The following NOX3 variants were observed in gnomAD, a reference collection of about 807,000 sequenced individuals.
NOX3 encodes the protein NADPH oxidase catalytic subunit-like 3.
A neutral mutation model predicts 76.7 loss-of-function variants in NOX3; 74 were observed. That is an observed-to-expected ratio of 0.96 (90% confidence interval 0.80 to 1.17). NOX3 has a LOEUF of 1.17. Among genes scored for constraint, NOX3 ranks in the 50% most tolerant of loss-of-function variants. NOX3 has a pLI of 0.00. For synonymous variants in NOX3, 263 were observed against 261.1 expected (o/e 1.01, Z -0.07); for missense variants, 695 against 703.3 (o/e 0.99, Z 0.13).
intron 9 of NOX3, among the ~76,000 whole-genome samples, chr6:155,426,222 G>A (rs1183553421): frequency 1.3e-5 from 2 of 152,150 alleles, no homozygotes. Context: ...GTGAATGGAG[G>A]GAAGCAGCTC....
intron 6 of NOX3, among the ~76,000 whole-genome samples, chr6:155,438,337 C>T (rs933143997): frequency 2.6e-5 from 4 of 152,184 alleles, no homozygotes; most frequent in Non-Finnish European, 2.9e-5. Flanking sequence ...TCAGAAGAGC[C>T]AATCCCAGAG....
chr6:155,441,193 C>T (rs977975128), intron 5 of NOX3, among the ~76,000 whole-genome samples: 3 of 152,154 alleles, frequency 2.0e-5, no homozygotes, highest in South Asian at 2.1e-4. Context: ...GTGTTACTAT[C>T]GTTGAGACGG....
chr6:155,441,469 C>G (rs989386973), intron 5 of NOX3, among the ~76,000 whole-genome samples: 1 of 152,198 alleles, frequency 6.6e-6, no homozygotes, highest in Non-Finnish European at 1.5e-5. Flanking sequence ...GGCAAATCGC[C>G]ATGTCTCTTT....
At chr6:155,446,504 A>G (rs1777066556) in intron 4 of NOX3, among the ~76,000 whole-genome samples, 1 of 152,140 alleles carries the variant, frequency 6.6e-6, no homozygotes, top group Non-Finnish European at 1.5e-5. Context: ...TTCTCATTCG[A>G]CAGACCAGTA....
intron 4 of NOX3, among the ~76,000 whole-genome samples, chr6:155,445,984 TATATATATATATA>T (rs1562472171): frequency 5.9e-4 from 72 of 122,220 alleles, no homozygotes; most frequent in Admixed American, 1.1e-3. Context: ...ATATATGCTA[TATATATATATATA>T]ATATATATAT....
At chr6:155,437,113 A>C (rs1228910430) in intron 6 of NOX3, among the ~76,000 whole-genome samples, 2 of 152,218 alleles carry the variant, frequency 1.3e-5, no homozygotes, top group Non-Finnish European at 2.9e-5. Flanking sequence ...GTATTGATAC[A>C]TTTAGGAATG....
At chr6:155,412,043 C>T (rs1250840480) in intron 10 of NOX3, among the ~76,000 whole-genome samples, 2 of 152,148 alleles carry the variant, frequency 1.3e-5, no homozygotes, top group Non-Finnish European at 2.9e-5. Context: ...AAAATAAAAG[C>T]TTAGTTTTTG....
Position 155,422,817 on chromosome 6 carries a change from A to G in NOX3, c.1185T>C (p.Asp395=), listed in dbSNP as rs375246251. ...VDGPFGTALT[D]VFHYPVCVCV... ...ACACACACACTGGGTAGTGAAATAC[A>G]TCTGTCAGGGCAGTTCCAAAGGGCC... Residue 395 remains aspartate (D), a synonymous_variant, in exon 10 of 14, where the codon GAT becomes GAC. Transcript: ENST00000159060. 1 of 1,614,112 alleles carries G rather than the reference A, an allele frequency of 6.2e-7. No individual in the cohort carries two copies. Among genetic ancestry groups the G allele is most frequent in the African/African-American group, 1.3e-5 (1 of 74,946 alleles).
In NOX3 at chr6:155,431,396, G is replaced by T. The variant is rs891437184; in HGVS notation, c.799-461C>A. ...AGAATGCATCACAACTACAGGGTCT[G>T]CCTGAATAAACACAGAAACACACAC... On this transcript the variant is annotated intron_variant, in intron 7 of 13. Coordinates refer to ENST00000159060, the MANE Select transcript of NOX3 (RefSeq NM_015718.3). Among the ~76,000 whole-genome samples, 12 of 122,194 alleles carry T rather than the reference G, an allele frequency of 9.8e-5. 1 individual carries two copies. Among genetic ancestry groups the T allele is most frequent in the East Asian group, 7.4e-4 (2 of 2,692 alleles). 80.2% of individuals were successfully genotyped at this position (122,194 alleles called of 152,430 possible).
chr6:155,450,312 T>C (rs139059295), intron 4 of NOX3, among the ~76,000 whole-genome samples: 18 of 152,342 alleles, frequency 1.2e-4, no homozygotes, highest in Admixed American at 2.6e-4. Context: ...ATGTATTATC[T>C]TGGACAATTG....
At chr6:155,431,048 A>C in intron 7 of NOX3, 113 bp from the exon 8 acceptor site, 1 of 659,114 alleles carries the variant, frequency 1.5e-6, no homozygotes, top group Admixed American at 2.7e-5. Context: ...TTTTTCCTTT[A>C]ACTTTGGGCC....
chr6:155,411,181 C>T (rs1776544800), intron 11 of NOX3, 33 bp downstream of exon 11: 1 of 1,600,608 alleles, frequency 6.2e-7, no homozygotes, highest in Admixed American at 1.7e-5. Context: ...ATGAGTTCAG[C>T]AATATTGCTT....
At chr6:155,413,144 C>A (rs934586907) in intron 10 of NOX3, among the ~76,000 whole-genome samples, 4 of 152,026 alleles carry the variant, frequency 2.6e-5, no homozygotes, top group African/African-American at 9.7e-5. Context: ...ACCATCAATT[C>A]GTGGAGATTC....
chr6:155,451,258 C>T (rs558328014), intron 4 of NOX3, among the ~76,000 whole-genome samples: 104 of 152,242 alleles, frequency 6.8e-4, no homozygotes, highest in Non-Finnish European at 1.1e-3. Flanking sequence ...GGATTACAGG[C>T]GTGAGCCACC....
chr6:155,439,314 A>G (rs946014042), intron 6 of NOX3, among the ~76,000 whole-genome samples: 6 of 152,242 alleles, frequency 3.9e-5, no homozygotes, highest in Non-Finnish European at 7.3e-5. Flanking sequence ...GAAAAGCATT[A>G]TATTTGAGGG....
At chr6:155,439,615 T>A (rs1453981097) in intron 6 of NOX3, among the ~76,000 whole-genome samples, 3 of 152,148 alleles carry the variant, frequency 2.0e-5, no homozygotes, top group African/African-American at 7.2e-5. Context: ...GTGTCAAAAA[T>A]ATATATCCTG....
chr6:155,407,310 T>C, intron 11 of NOX3, 56 bp from the exon 12 acceptor site: 1 of 1,467,652 alleles, frequency 6.8e-7, no homozygotes, highest in Non-Finnish European at 9.3e-7. Context: ...AAGACTTCTA[T>C]AAATAAAGAA....
intron 12 of NOX3, among the ~76,000 whole-genome samples, chr6:155,398,731 G>C (rs1779173314): frequency 6.6e-6 from 1 of 152,228 alleles, no homozygotes; most frequent in African/African-American, 2.4e-5. Context: ...CAATGGTTAA[G>C]AGTGCTCTTG....
At chr6:155,419,394 T>G (rs2294680) in intron 10 of NOX3, among the ~76,000 whole-genome samples, 28,056 of 152,116 alleles carry the variant, frequency 0.18, 2,669 homozygotes, top group South Asian at 0.22. Context: ...GTGAACAAGC[T>G]GGGTGACTTT....
Sources: allele counts gnomAD v4.1 joint callset (sites outside exome capture counted in the v4.1 genomes callset), GRCh38; gene constraint gnomAD v4.1.1; transcripts MANE v1.5; gene names NCBI Gene and HGNC (gene_info 2026-07-23, HGNC 2026-07-21).